The following DCDC1 variants were observed in gnomAD, a reference collection of about 807,000 sequenced individuals.
The protein encoded by DCDC1 is doublecortin domain containing 1.
In DCDC1, 200 loss-of-function variants were observed where a neutral mutation model predicts 178.3. That is an observed-to-expected ratio of 1.12 (90% CI 1.00 to 1.26). DCDC1 has a LOEUF of 1.26. DCDC1 is among the 50% of genes most tolerant of loss of function. DCDC1 has a pLI of 0.00. For synonymous variants in DCDC1, 690 were observed against 604.8 expected, an observed-to-expected ratio of 1.14 and a Z score of -2.07; for missense variants, 1,983 against 1,749.2, an observed-to-expected ratio of 1.13 and a Z score of -2.38.
intron 4 of DCDC1, 68 bp downstream of exon 4, chr11:31,307,571 T>A: frequency 6.4e-7 from 1 of 1,570,012 alleles, no homozygotes; most frequent in East Asian, 2.2e-5. Flanking sequence ...ATTGAAACAT[T>A]ATAAACTCTG....
intron 18 of DCDC1, among the ~76,000 whole-genome samples, chr11:31,072,594 C>T (rs1419835354): frequency 6.6e-6 from 1 of 151,952 alleles, no homozygotes; most frequent in Non-Finnish European, 1.5e-5. Flanking sequence ...TTTTATGGTT[C>T]CACGTTTAAA....
intron 9 of DCDC1, among the ~76,000 whole-genome samples, chr11:31,156,312 T>C (rs2136129838): frequency 6.6e-6 from 1 of 152,256 alleles, no homozygotes; most frequent in South Asian, 2.1e-4. Context: ...ATCGAATCAA[T>C]CACAAATATT....
chr11:30,999,189 T>C (rs975502838), intron 20 of DCDC1, among the ~76,000 whole-genome samples: 2 of 152,172 alleles, frequency 1.3e-5, no homozygotes, highest in Non-Finnish European at 2.9e-5. Context: ...TATCCTGGAT[T>C]AAACCTGGGA....
chr11:31,309,142 T>TTGTGTG (rs56349731), intron 3 of DCDC1, among the ~76,000 whole-genome samples: 43 of 148,056 alleles, frequency 2.9e-4, no homozygotes, highest in African/African-American at 4.8e-4. Context: ...AAATAGATGT[T>TTGTGTG]TGTGTGTGTG....
chr11:31,306,742 C>G (rs1948486463), intron 4 of DCDC1, among the ~76,000 whole-genome samples: 1 of 151,628 alleles, frequency 6.6e-6, no homozygotes, highest in African/African-American at 2.4e-5. Context: ...GTTCTGATAG[C>G]AAAAAATAGT....
At chr11:30,873,493 A>G (rs955171634) in intron 38 of DCDC1, among the ~76,000 whole-genome samples, 2 of 152,060 alleles carry the variant, frequency 1.3e-5, no homozygotes, top group African/African-American at 4.8e-5. Context: ...TCTGTCTCTC[A>G]AGCTATATGG....
rs375974416 is a variant in DCDC1 at position 31,306,337 on chromosome 11, T to C, written c.486A>G (p.Lys162=). Residue 162 remains lysine (K), a synonymous_variant, in exon 5 of 39, where the codon AAA becomes AAG. Coordinates refer to ENST00000684477, the MANE Select transcript of DCDC1 (RefSeq NM_001387274.1). ...LKFQSARNWQ[K]LSQRHKLQPR... is the part of the protein sequence containing the mutation. ...GTTGAAGTTTGTGTCTTTGAGACAA[T>C]TTCTGCCAATTCCGGGCTGACTGAA... The C allele has an allele frequency of 6.2e-7, 1 of 1,610,166 alleles. No homozygotes were observed. Among genetic ancestry groups the C allele is most frequent in the South Asian group, 1.1e-5 (1 of 90,472 alleles).
chr11:30,983,828 C>A (rs891537381), intron 20 of DCDC1, among the ~76,000 whole-genome samples: 1 of 151,892 alleles, frequency 6.6e-6, no homozygotes, highest in South Asian at 2.1e-4. Flanking sequence ...AAAATAATCA[C>A]CAGAGCAGAA....
chr11:30,916,758 G>T, intron 26 of DCDC1, 112 bp downstream of exon 26: 1 of 1,208,176 alleles, frequency 8.3e-7, no homozygotes, highest in Non-Finnish European at 1.1e-6. Flanking sequence ...TGTGCATGTT[G>T]ATAGAAACAG....
At position 31,156,565 on chromosome 11, in the gene DCDC1, T is replaced by C. The variant is rs1591252013; in HGVS notation, c.1222-18781A>G. ...AAAATGTAATTATTTATACATATAA[T>C]TAATACAAAAAGTATTAATGGGCTA... On this transcript the variant is annotated intron_variant, in intron 9 of 38. Coordinates refer to ENST00000684477, the MANE Select transcript of DCDC1 (RefSeq NM_001387274.1). 2.0e-5 allele frequency among the ~76,000 whole-genome samples: 3 copies of C among 152,176 alleles called. No homozygotes were observed. The South Asian group carries it at 6.2e-4, about 31-fold the overall frequency.
At chr11:30,934,177 T>G (rs1350343829) in intron 21 of DCDC1, among the ~76,000 whole-genome samples, 2 of 152,172 alleles carry the variant, frequency 1.3e-5, no homozygotes, top group Non-Finnish European at 2.9e-5. Context: ...GAGTGCTGAC[T>G]CAAACCCAGT....
At chr11:31,129,692 C>T (rs1269421890) in intron 10 of DCDC1, among the ~76,000 whole-genome samples, 2 of 152,052 alleles carry the variant, frequency 1.3e-5, no homozygotes, top group Non-Finnish European at 2.9e-5. Context: ...CCTCAATCCC[C>T]TCATCCCCCT....
intron 17 of DCDC1, among the ~76,000 whole-genome samples, chr11:31,081,091 G>C (rs747116976): frequency 6.6e-6 from 1 of 152,178 alleles, no homozygotes; most frequent in Non-Finnish European, 1.5e-5. Context: ...TGAGGGCAGA[G>C]ACCATGTATC....
chr11:31,069,133 G>A (rs1956416706), intron 18 of DCDC1, among the ~76,000 whole-genome samples: 1 of 151,978 alleles, frequency 6.6e-6, no homozygotes, highest in Non-Finnish European at 1.5e-5. Context: ...TTACAGGCAT[G>A]AGCCACCGCG....
intron 20 of DCDC1, among the ~76,000 whole-genome samples, chr11:30,979,368 G>A (rs1950267990): frequency 6.6e-6 from 1 of 152,182 alleles, no homozygotes; most frequent in Non-Finnish European, 1.5e-5. Context: ...AAATCATAAT[G>A]AAAGTATTAA....
At chr11:31,285,990 T>C (rs547518037) in intron 7 of DCDC1, among the ~76,000 whole-genome samples, 3 of 152,250 alleles carry the variant, frequency 2.0e-5, no homozygotes, top group East Asian at 3.9e-4. Flanking sequence ...ACACGTTATT[T>C]TTTTCTCTTA....
chr11:31,328,336 G>T (rs886814152), intron 2 of DCDC1, 50 bp from the exon 3 acceptor site: 2 of 1,484,612 alleles, frequency 1.3e-6, no homozygotes, highest in Non-Finnish European at 9.0e-7. Flanking sequence ...AATCCTACTA[G>T]ATTACAAATA....
chr11:31,046,763 A>C (rs536915689), intron 20 of DCDC1, among the ~76,000 whole-genome samples: 1 of 152,136 alleles, frequency 6.6e-6, no homozygotes, highest in African/African-American at 2.4e-5. Flanking sequence ...CTTAAATAGA[A>C]ATTAAAACAA....
At chr11:31,241,009 T>C (rs1033524204) in intron 9 of DCDC1, among the ~76,000 whole-genome samples, 4 of 152,034 alleles carry the variant, frequency 2.6e-5, no homozygotes, top group Non-Finnish European at 4.4e-5. Context: ...AGTAAGCTAC[T>C]CTTGACATGA....
Sources: gnomAD v4.1 joint callset for allele counts (sites outside exome capture counted in the v4.1 genomes callset) on GRCh38, gnomAD v4.1.1 for gene constraint, MANE v1.5 for transcripts, NCBI Gene and HGNC (gene_info 2026-07-23, HGNC 2026-07-21) for gene names.